The following FNDC5 variants were observed in gnomAD, a reference collection of about 807,000 sequenced individuals.
FNDC5 encodes fibronectin type III domain-containing protein 5.
In FNDC5, 10 loss-of-function variants were observed where a neutral mutation model predicts 24.6. The ratio of observed to expected loss-of-function variants is 0.41; its 90% CI spans 0.25 to 0.69. FNDC5 has a LOEUF of 0.69. FNDC5 is among the 30% of genes least tolerant of loss of function. FNDC5 has a pLI of 0.34. For synonymous variants in FNDC5, 90 were observed against 110.7 expected (o/e 0.81, Z 1.18); for missense variants, 226 against 282.9 (o/e 0.80, Z 1.44).
chr1:32,868,376 G>A lies in FNDC5; in HGVS notation c.223C>T (p.Arg75Trp), dbSNP rs1364731066. Residue 75 changes from arginine to tryptophan, a missense_variant, in exon 3 of 6, where the codon CGG becomes TGG. Transcript: ENST00000373471. This position sits in a 1 kb window ranked among gnomAD's most constrained non-coding sequence, Gnocchi z 4.8. ...ACCTCCTGGATGAAGCGCAGCATCC[G>A]CACATCCTTCTTCTGCAGACAAGCG... 11 of 1,613,694 alleles carry A rather than the reference G, an allele frequency of 6.8e-6. No homozygotes were observed. The highest frequency in any genetic ancestry group is 4.5e-5 in the East Asian group (2 of 44,878).
At chr1:32,864,856 T>G (rs1046395666) in intron 4 of FNDC5, 59 bp from the exon 5 acceptor site, 56 of 1,597,522 alleles carry the variant, frequency 3.5e-5, no homozygotes, top group Non-Finnish European at 4.6e-5. Context: ...CTCCCCTGCT[T>G]CTTTCCCACT....
Position 32,864,711 on chromosome 1 carries a change from C to T in FNDC5, c.586G>A (p.Glu196Lys). Residue 196 changes from glutamate (E) to lysine (K), a missense_variant, in exon 5 of 6, where the codon GAA becomes AAA. Glu to Lys is a moderately conservative substitution (Grantham distance 56). Coordinates refer to ENST00000373471, the MANE Select transcript of FNDC5 (RefSeq NM_153756.3). ...CCCTGGTGCTCTGGTGTGCTGGTTT[C>T]TGATGCACTCTTGGTTTTTTCCTTG... is the stretch of plus-strand genomic sequence containing the variant. The T allele has an allele frequency of 6.2e-7, 1 of 1,614,206 alleles. No homozygotes were observed. Among genetic ancestry groups the T allele is most frequent in the Non-Finnish European group, 8.5e-7 (1 of 1,180,046 alleles).
intron 4 of FNDC5, among the ~76,000 whole-genome samples, chr1:32,865,233 G>A (rs1291179052): frequency 6.6e-6 from 1 of 151,922 alleles, no homozygotes; most frequent in Non-Finnish European, 1.5e-5. Context: ...CCGAGTAGCT[G>A]GGATTACAGG....
At chr1:32,865,772 CACTT>C (rs989442536) in intron 4 of FNDC5, among the ~76,000 whole-genome samples, 1 of 152,110 alleles carries the variant, frequency 6.6e-6, no homozygotes, top group African/African-American at 2.4e-5. Flanking sequence ...TATTCTATCT[CACTT>C]AATCCTCACA....
Position 32,870,655 on chromosome 1 carries a change from G to C in FNDC5, c.92C>G (p.Ala31Gly), listed in dbSNP as rs1641164374. 1.8e-5 allele frequency: 22 copies of C among 1,206,808 alleles called. No homozygotes were observed. Among genetic ancestry groups the C allele is most frequent in the Non-Finnish European group, 2.2e-5 (21 of 971,666 alleles). 74.8% of individuals were successfully genotyped at this position (1,206,808 alleles called of 1,614,324 possible). A position where few individuals can be genotyped will look rare whatever the true frequency, so the allele number is the denominator to read the frequency against. ...CCCCCCGCCCCGGGCCCCCTTACCCGCCTGCACCAGCGCGAAGCAGACGCA... is the reference window on the plus strand; with the variant it reads ...CCCCCCGCCCCGGGCCCCCTTACCCCCCTGCACCAGCGCGAAGCAGACGCA... Residue 31 changes from alanine (A) to glycine (G), a missense_variant and splice_region_variant, in exon 1 of 6, where the codon GCG becomes GGG. Transcript: ENST00000373471.
intron 1 of FNDC5, among the ~76,000 whole-genome samples, chr1:32,870,177 G>A (rs1332549104): frequency 1.3e-5 from 2 of 152,106 alleles, no homozygotes; most frequent in East Asian, 3.9e-4. Flanking sequence ...CAGGGGTGCC[G>A]GGGCCCACCC....
At chr1:32,867,925 G>T in intron 3 of FNDC5, 83 bp from the exon 4 acceptor site, 1 of 1,357,840 alleles carries the variant, frequency 7.4e-7, no homozygotes, top group South Asian at 1.2e-5. Context: ...CAACAGTGCT[G>T]ATTTCTACAG....
rs1029013109 is a variant in FNDC5 at position 32,867,818 on chromosome 1, C to G, written c.434G>C (p.Gly145Ala). ...GCCTGTCCGCAGCTGTTGGTTCCTC[C>G]CCATCTCTTTCATGGTTACCTCATC... is the stretch of plus-strand genomic sequence containing the variant. The change falls in exon 4 of 6, where the codon GGG becomes GCG. Residue 145 changes from glycine to alanine, a missense_variant. Physicochemically the swap from Gly to Ala is moderately conservative, Grantham distance 60. Transcript: ENST00000373471. 3.1e-6 allele frequency: 5 copies of G among 1,614,026 alleles called. No homozygotes were observed. The African/African-American group carries it at 6.7e-5, about 22-fold the overall frequency.
Position 32,868,271 on chromosome 1 carries a change from T to A in FNDC5, c.328A>T (p.Ile110Phe). 1.2e-6 allele frequency: 2 copies of A among 1,614,182 alleles called. No homozygotes were observed. Among genetic ancestry groups the A allele is most frequent in the Non-Finnish European group, 1.7e-6 (2 of 1,180,030 alleles). ...TCGCTGGCTGGGCTCTGGCCCTGAA[T>A]GGAGATGGCCTGCACGTGGACTATG... The change falls in exon 3 of 6, where the codon ATT (isoleucine) becomes TTT (phenylalanine). Residue 110 changes from isoleucine (I) to phenylalanine (F), a missense_variant. Coordinates refer to ENST00000373471, the MANE Select transcript of FNDC5 (RefSeq NM_153756.3). The surrounding 1 kb of genome is among the most constrained non-coding windows in gnomAD (Gnocchi z 4.8).
At chr1:32,870,621 C>A (rs1052334989) in intron 1 of FNDC5, 32 bp downstream of exon 1, 1 of 1,181,402 alleles carries the variant, frequency 8.5e-7, no homozygotes, top group South Asian at 4.2e-5. Context: ...GAGCCTGCCC[C>A]GGCGCCGGCC....
chr1:32,867,904 C>A (rs1426663591), intron 3 of FNDC5, 62 bp from the exon 4 acceptor site: 2 of 1,506,108 alleles, frequency 1.3e-6, no homozygotes, highest in African/African-American at 2.8e-5. Flanking sequence ...CCTCTAGGGC[C>A]AAGCCCAAGA....
At chr1:32,871,179 C>T (rs893565567), upstream of FNDC5, among the ~76,000 whole-genome samples, 3 of 151,980 alleles carry the variant, frequency 2.0e-5, no homozygotes, top group South Asian at 6.2e-4. Flanking sequence ...GACTTGGCTG[C>T]CGCTTTCTGC....
Position 32,868,852 on chromosome 1 carries a change from C to A in FNDC5, c.210+30G>T. ...ATCTGCCACTACTGTCTTGATGTGT[C>A]CTTCCCTCCTAAGGACAGTGGAGCA... On this transcript the variant is annotated intron_variant, in intron 2 of 5. Coordinates refer to ENST00000373471, the MANE Select transcript of FNDC5 (RefSeq NM_153756.3). The surrounding 1 kb of genome is among the most constrained non-coding windows in gnomAD (Gnocchi z 4.8). 8.1e-7 allele frequency: 1 copy of A among 1,229,542 alleles called. No homozygotes were observed. The highest frequency in any genetic ancestry group is 3.9e-5 in the South Asian group (1 of 25,698). 76.2% of individuals were successfully genotyped at this position (1,229,542 alleles called of 1,614,324 possible). A position where few individuals can be genotyped will look rare whatever the true frequency, so the allele number is the denominator to read the frequency against.
At chr1:32,871,012 G>A (rs1641175693), upstream of FNDC5, 1 of 149,408 alleles carries the variant, frequency 6.7e-6, no homozygotes, top group African/African-American at 2.4e-5. Context: ...GTGAGGACCG[G>A]AGGGCGCCCC....
At chr1:32,871,690 T>C (rs1175073893), upstream of FNDC5, among the ~76,000 whole-genome samples, 1 of 152,206 alleles carries the variant, frequency 6.6e-6, no homozygotes, top group Non-Finnish European at 1.5e-5. Flanking sequence ...CAGGCTGATC[T>C]GACTCCCAAA....
upstream of FNDC5, among the ~76,000 whole-genome samples, chr1:32,871,737 A>G (rs1641188150): frequency 6.6e-6 from 1 of 152,118 alleles, no homozygotes; most frequent in South Asian, 2.1e-4. Context: ...ACCCAGAGTG[A>G]CTTCACCCAT....
chr1:32,868,050 T>G lies in FNDC5; in HGVS notation c.409+140A>C. On this transcript the variant is annotated intron_variant, in intron 3 of 5. Coordinates refer to ENST00000373471, the MANE Select transcript of FNDC5 (RefSeq NM_153756.3). The surrounding 1 kb of genome is among the most constrained non-coding windows in gnomAD (Gnocchi z 4.8). ...CTCAGCGTCTTGTCAGGGACTAGCG[T>G]GAACCCTCTCTCAGGTACTGCTTTA... 8.9e-7 allele frequency: 1 copy of G among 1,129,408 alleles called. No individual in the cohort carries two copies. The highest frequency in any genetic ancestry group is 1.4e-5 in the South Asian group (1 of 71,580). 70.0% of individuals were successfully genotyped at this position (1,129,408 alleles called of 1,614,324 possible).
At position 32,863,714 on chromosome 1, in the gene FNDC5, A is replaced by G; in HGVS notation, c.*580T>C. The stretch of plus-strand genomic sequence containing the variant: ...GGGACCAGCTGAGAAGAAAAATGGA[A>G]TCCTTCTCCCTGCAGACAGGCAGTC... On this transcript the variant is annotated 3_prime_UTR_variant, in exon 6 of 6. Coordinates refer to ENST00000373471, the MANE Select transcript of FNDC5 (RefSeq NM_153756.3). The G allele has an allele frequency of 7.7e-7, 1 of 1,304,400 alleles. No individual in the cohort carries two copies. Among genetic ancestry groups the G allele is most frequent in the South Asian group, 1.2e-5 (1 of 81,024 alleles). 80.8% of individuals were successfully genotyped at this position (1,304,400 alleles called of 1,614,324 possible).
In FNDC5 at chr1:32,868,121, C is replaced by A; in HGVS notation, c.409+69G>T. ...GGGAGGAGACAGAGCTTTCCTCAAG[C>A]CACCCACTGGTCTGGTCCTGACCAC... On this transcript the variant is annotated intron_variant, in intron 3 of 5. Coordinates refer to ENST00000373471, the MANE Select transcript of FNDC5 (RefSeq NM_153756.3). This position sits in a 1 kb window ranked among gnomAD's most constrained non-coding sequence, Gnocchi z 4.8. 1 of 1,558,176 alleles carries A rather than the reference C, an allele frequency of 6.4e-7. No individual in the cohort carries two copies.
Sources: allele counts gnomAD v4.1 joint callset (sites outside exome capture counted in the v4.1 genomes callset), GRCh38; gene constraint gnomAD v4.1.1; non-coding constraint Gnocchi (gnomAD v3.1); transcripts MANE v1.5; gene names NCBI Gene and HGNC (gene_info 2026-07-23, HGNC 2026-07-21).